Variants in SLC66A3 observed in about 807,000 individuals in gnomAD.
SLC66A3 encodes solute carrier family 66 member 3.
A neutral mutation model predicts 25.5 loss-of-function variants in SLC66A3; 23 were observed. That is an observed-to-expected ratio of 0.90 (90% CI 0.65 to 1.28). The LOEUF (loss-of-function observed/expected upper bound fraction) is 1.28, where lower values mean the gene tolerates loss of function less well. SLC66A3 is among the 50% of genes most tolerant of loss of function. SLC66A3 has a pLI of 0.00. For missense variants in SLC66A3, 246 were observed against 262.1 expected, an observed-to-expected ratio of 0.94 and a Z score of 0.42; for synonymous variants, 108 against 112.6, an observed-to-expected ratio of 0.96 and a Z score of 0.26.
intron 1 of SLC66A3, among the ~76,000 whole-genome samples, chr2:11,159,015 G>A (rs1031051462): frequency 6.6e-6 from 1 of 152,150 alleles, no homozygotes; most frequent in African/African-American, 2.4e-5. Context: ...GGTGTCTATG[G>A]GCCTCCATTT....
chr2:11,176,487 A>AT (rs1279525767), intron 6 of SLC66A3, among the ~76,000 whole-genome samples: 1 of 146,768 alleles, frequency 6.8e-6, no homozygotes, highest in Non-Finnish European at 1.5e-5. Context: ...AAGTGCTGGG[A>AT]TTACAGGCGT....
rs1435453212 is a variant in SLC66A3 at position 11,160,549 on chromosome 2, G to T, written c.226+1G>T. 3.7e-6 allele frequency: 6 copies of T among 1,614,002 alleles called. No individual in the cohort carries two copies. The highest frequency in any genetic ancestry group is 1.3e-5 in the African/African-American group (1 of 74,890). Reference sequence around the variant, plus strand: ...GAGTACCCCATCCTCATCGCGCAAGGTAACAGCCCCTTCCCTGTCCAGCGG... The same window carrying T: ...GAGTACCCCATCCTCATCGCGCAAGTTAACAGCCCCTTCCCTGTCCAGCGG... On this transcript the variant is annotated splice_donor_variant, in intron 2 of 6. Coordinates refer to ENST00000295083, the MANE Select transcript of SLC66A3 (RefSeq NM_152391.5). LOFTEE classifies it high-confidence loss of function.
intron 4 of SLC66A3, among the ~76,000 whole-genome samples, chr2:11,171,276 C>T (rs925524397): frequency 3.9e-5 from 6 of 152,074 alleles, no homozygotes; most frequent in Admixed American, 1.3e-4. Flanking sequence ...CAAGATTGTG[C>T]CACTGCACTC....
intron 1 of SLC66A3, among the ~76,000 whole-genome samples, 165 bp downstream of exon 1, chr2:11,155,854 T>C (rs1283922134): frequency 2.6e-5 from 4 of 152,130 alleles, no homozygotes; most frequent in African/African-American, 9.7e-5. Flanking sequence ...CTCGGGGTGC[T>C]CTTCCCACGG....
At chr2:11,160,587 C>G in intron 2 of SLC66A3, 38 bp from the exon 3 acceptor site, 1 of 1,614,180 alleles carries the variant, frequency 6.2e-7, no homozygotes, top group Non-Finnish European at 8.5e-7. Context: ...TGCCACGGGT[C>G]TCCCCTTCCC....
At chr2:11,158,178 G>A (rs1369109269) in intron 1 of SLC66A3, among the ~76,000 whole-genome samples, 3 of 152,170 alleles carry the variant, frequency 2.0e-5, no homozygotes, top group African/African-American at 7.2e-5. Context: ...ATGCCCGGCT[G>A]GCATGATTTT....
chr2:11,159,077 G>T (rs1662019499), intron 1 of SLC66A3, among the ~76,000 whole-genome samples: 1 of 152,228 alleles, frequency 6.6e-6, no homozygotes, highest in African/African-American at 2.4e-5. Flanking sequence ...CCCTGAAGGT[G>T]AGAACGGGCT....
chr2:11,159,043 G>T (rs370049454), intron 1 of SLC66A3, among the ~76,000 whole-genome samples: 3 of 152,214 alleles, frequency 2.0e-5, no homozygotes, highest in African/African-American at 7.2e-5. Context: ...TGGTCTGTAA[G>T]TTGTGGAGGC....
Position 11,155,686 on chromosome 2 carries a change from C to A in SLC66A3, c.140C>A (p.Ala47Glu). The A allele has an allele frequency of 7.0e-7, 1 of 1,435,910 alleles. No homozygotes were observed. The highest frequency in any genetic ancestry group is 9.1e-7 in the Non-Finnish European group (1 of 1,098,780). The allele number at this position is 1,435,910 out of a possible 1,614,324, so 88.9% of individuals were successfully genotyped here. A position where few individuals can be genotyped will look rare whatever the true frequency, so the allele number is the denominator to read the frequency against. The change falls in exon 1 of 7, where the codon GCA becomes GAA. Residue 47 changes from alanine to glutamate, a missense_variant. Physicochemically the swap from Ala to Glu is moderately radical, Grantham distance 107. This residue lies in a region of SLC66A3 where 142 missense variants were observed against 130.3 expected (regional missense o/e 1.09). Transcript: ENST00000295083. Reference protein sequence around the residue: ...LSLPSLLLELAGFLVFLRYQC... With the variant: ...LSLPSLLLELEGFLVFLRYQC... ...CTTCCGAGTTTACTTCTGGAGCTGG[C>A]AGGGTAAGGCCCGGGGCGGCCGGGG...
intron 1 of SLC66A3, among the ~76,000 whole-genome samples, chr2:11,157,741 G>A (rs1016958841): frequency 3.3e-5 from 5 of 152,268 alleles, no homozygotes; most frequent in African/African-American, 4.8e-5. Flanking sequence ...AGCCTTTTTA[G>A]TGTGGCTTGG....
intron 5 of SLC66A3, among the ~76,000 whole-genome samples, chr2:11,174,134 T>G (rs1398164549): frequency 6.6e-6 from 1 of 152,078 alleles, no homozygotes; most frequent in Non-Finnish European, 1.5e-5. Context: ...ATTTTTGTAT[T>G]TTTAATAGAG....
intron 4 of SLC66A3, among the ~76,000 whole-genome samples, chr2:11,167,702 G>A (rs1011926085): frequency 6.6e-6 from 1 of 152,062 alleles, no homozygotes; most frequent in African/African-American, 2.4e-5. Flanking sequence ...ACCAGGGTCC[G>A]GGGCACAAGG....
At chr2:11,167,655 G>A (rs908819780) in intron 4 of SLC66A3, among the ~76,000 whole-genome samples, 4 of 152,126 alleles carry the variant, frequency 2.6e-5, no homozygotes, top group Admixed American at 2.6e-4. Context: ...CTCCTTCACT[G>A]ACTCAATGAG....
At chr2:11,157,647 G>A (rs1661954826) in intron 1 of SLC66A3, among the ~76,000 whole-genome samples, 1 of 152,260 alleles carries the variant, frequency 6.6e-6, no homozygotes, top group African/African-American at 2.4e-5. Flanking sequence ...CCCTCTTTGG[G>A]TCTCCATTTG....
intron 4 of SLC66A3, among the ~76,000 whole-genome samples, chr2:11,171,661 C>T (rs558396823): frequency 2.0e-5 from 3 of 152,138 alleles, no homozygotes; most frequent in East Asian, 1.9e-4. Flanking sequence ...CTCCACCTCC[C>T]GGGTTCATGC....
chr2:11,166,852 G>A (rs3951242), intron 4 of SLC66A3, among the ~76,000 whole-genome samples: 61,302 of 152,072 alleles, frequency 0.4, 13,065 homozygotes, highest in Middle Eastern at 0.52. Flanking sequence ...CCAGGATCAC[G>A]CCACTGCACT....
At chr2:11,173,169 T>C (rs748309162) in intron 5 of SLC66A3, among the ~76,000 whole-genome samples, 4 of 152,256 alleles carry the variant, frequency 2.6e-5, no homozygotes, top group Admixed American at 6.5e-5. Flanking sequence ...AGCCAATTTT[T>C]TGTAGAGAGG....
chr2:11,173,738 G>A (rs185957191), intron 5 of SLC66A3, among the ~76,000 whole-genome samples: 132 of 152,284 alleles, frequency 8.7e-4, no homozygotes, highest in African/African-American at 3.0e-3. Flanking sequence ...GCAGGCAGTG[G>A]TCTTCTCTAA....
intron 6 of SLC66A3, among the ~76,000 whole-genome samples, chr2:11,176,910 C>G (rs1056588181): frequency 3.0e-4 from 45 of 152,110 alleles, no homozygotes; most frequent in Admixed American, 5.2e-4. Flanking sequence ...CTCATTAAAC[C>G]TATTTATCAG....
Sources: gnomAD v4.1 joint callset for allele counts (sites outside exome capture counted in the v4.1 genomes callset) on GRCh38, gnomAD v4.1.1 for gene constraint, gnomAD v4.1.1 regional missense constraint, MANE v1.5 for transcripts, NCBI Gene and HGNC (gene_info 2026-07-23, HGNC 2026-07-21) for gene names.